The following DNMT3A variants were observed in gnomAD, a reference collection of about 807,000 sequenced individuals.
DNMT3A encodes DNA methyltransferase 3 alpha, also known as DNA (cytosine-5)-methyltransferase 3A.
DNMT3A carries 267 observed loss-of-function variants against 117.6 expected under a neutral mutation model. The ratio of observed to expected loss-of-function variants is 2.27; its 90% confidence interval spans 2.05 to 2.51. The LOEUF is 2.51. Ranked by LOEUF, DNMT3A falls within the 30% of genes most tolerant of loss-of-function variation. DNMT3A has a pLI of 0.00. For synonymous variants in DNMT3A, 432 were observed against 474.8 expected (o/e 0.91, Z 1.17); for missense variants, 1,029 against 1,260.2 (o/e 0.82, Z 2.78).
In DNMT3A at chr2:25,234,558, C is replaced by T; in HGVS notation, c.2598-138G>A. On this transcript the variant is annotated intron_variant, in intron 22 of 22. Transcript: ENST00000321117. This position sits in a 1 kb window ranked among gnomAD's most constrained non-coding sequence, Gnocchi z 4.5. ...GGACAGGGGCACTCACACCCACCAA[C>T]TCCTCTGACGCCTGCTTAGTTCTGC... The T allele has an allele frequency of 2.1e-6, 2 of 966,512 alleles. No homozygotes were observed. The highest frequency in any genetic ancestry group is 1.5e-6 in the Non-Finnish European group (1 of 673,958). The allele number at this position is 966,512 out of a possible 1,614,324, so 59.9% of individuals were successfully genotyped here.
In DNMT3A at chr2:25,252,205, G is replaced by A; in HGVS notation, c.640-3953C>T. The A allele has an allele frequency of 6.4e-7, 1 of 1,564,346 alleles. No homozygotes were observed. The highest frequency in any genetic ancestry group is 1.9e-5 in the Admixed American group (1 of 53,756). On this transcript the variant is annotated intron_variant, in intron 6 of 22. Transcript: ENST00000321117. The surrounding 1 kb of genome is among the most constrained non-coding windows in gnomAD (Gnocchi z 5.5). Reference sequence around the variant, plus strand: ...GTCCAGGAACCTACCCATAAGGCCAGGTGCAGCCCCTCTGCAGTCGCGCTC... The same window carrying A: ...GTCCAGGAACCTACCCATAAGGCCAAGTGCAGCCCCTCTGCAGTCGCGCTC...
At position 25,247,362 on chromosome 2, in the gene DNMT3A, C is replaced by T; in HGVS notation, c.1015-204G>A. 1 of 799,144 alleles carries T rather than the reference C, an allele frequency of 1.3e-6. No individual in the cohort carries two copies. Among genetic ancestry groups the T allele is most frequent in the Non-Finnish European group, 2.0e-6 (1 of 512,514 alleles). The allele number at this position is 799,144 out of a possible 1,614,324, so 49.5% of individuals were successfully genotyped here. On this transcript the variant is annotated intron_variant, in intron 8 of 22. Coordinates refer to ENST00000321117, the MANE Select transcript of DNMT3A (RefSeq NM_022552.5). The surrounding 1 kb of genome is among the most constrained non-coding windows in gnomAD (Gnocchi z 5.6). ...ACCTGAGTGCAGGTGGAAAGGAATT[C>T]TAGTGAATAGGTTCCTGGAAGGCTA...
intron 3 of DNMT3A, among the ~76,000 whole-genome samples, chr2:25,292,761 A>C (rs565352416): frequency 6.6e-6 from 1 of 152,186 alleles, no homozygotes; most frequent in African/African-American, 2.4e-5. Flanking sequence ...TTCTTGAGGT[A>C]GGAGAACCAA....
At position 25,282,337 on chromosome 2, in the gene DNMT3A, C is replaced by A; in HGVS notation, c.448+104G>T. The stretch of plus-strand genomic sequence containing the variant: ...GCCTTGGCAAGCAGACCTTTAGCCA[C>A]GACCCAGACCATCCTTCCTGGGACC... On this transcript the variant is annotated intron_variant, in intron 4 of 22. Transcript: ENST00000321117. This position sits in a 1 kb window ranked among gnomAD's most constrained non-coding sequence, Gnocchi z 5.2. 6.6e-7 allele frequency: 1 copy of A among 1,516,860 alleles called. No homozygotes were observed. Among genetic ancestry groups the A allele is most frequent in the Non-Finnish European group, 8.9e-7 (1 of 1,126,076 alleles). The allele number at this position is 1,516,860 out of a possible 1,614,324, so 94.0% of individuals were successfully genotyped here.
Position 25,246,206 on chromosome 2 carries a change from T to C in DNMT3A, c.1383A>G (p.Thr461=), listed in dbSNP as rs1354966961. The part of the protein sequence containing the change: ...PPPAKKPRKS[T]AEKPKVKEII... Reference sequence around the variant, plus strand: ...TCTCCTTGACCTTGGGCTTCTCCGCTGTGCTCTTCCGGGGCTTTTTGGCTG... The same window carrying C: ...TCTCCTTGACCTTGGGCTTCTCCGCCGTGCTCTTCCGGGGCTTTTTGGCTG... The change falls in exon 11 of 23, where the codon ACA becomes ACG. Residue 461 remains threonine, a synonymous_variant. Transcript: ENST00000321117. The C allele has an allele frequency of 2.5e-6, 4 of 1,614,178 alleles. No homozygotes were observed. The highest frequency in any genetic ancestry group is 3.4e-6 in the Non-Finnish European group (4 of 1,179,996).
At position 25,233,746 on chromosome 2, in the gene DNMT3A, CA is replaced by C. The variant is rs1174392816; in HGVS notation, c.*532del. The C allele has an allele frequency of 6.3e-4, 20 of 31,810 alleles. No individual in the cohort carries two copies. Among genetic ancestry groups the C allele is most frequent in the East Asian group, 1.2e-3 (5 of 4,340 alleles). The allele number at this position is 31,810 out of a possible 1,614,324, so 2.0% of individuals were successfully genotyped here. A position where few individuals can be genotyped will look rare whatever the true frequency, so the allele number is the denominator to read the frequency against. ...TCCTATCTGATCAGGCTAGAGACAACAAAAAAAAGATATATAGTAAAAAAAA... is the reference window on the plus strand; with the variant it reads ...TCCTATCTGATCAGGCTAGAGACAACAAAAAAAGATATATAGTAAAAAAAA... On this transcript the variant is annotated 3_prime_UTR_variant, in exon 23 of 23. Coordinates refer to ENST00000321117, the MANE Select transcript of DNMT3A (RefSeq NM_022552.5).
In DNMT3A at chr2:25,305,004, A is replaced by T. The variant is rs1319711405; in HGVS notation, c.73-4761T>A. On this transcript the variant is annotated intron_variant, in intron 2 of 22. Transcript: ENST00000321117. This position sits in a 1 kb window ranked among gnomAD's most constrained non-coding sequence, Gnocchi z 4.1. ...TCCTTGAGGGAAGTGTGGGTGTCTG[A>T]TTCATGCTGGCATCCAGAATGCCTA... 6.6e-6 allele frequency among the ~76,000 whole-genome samples: 1 copy of T among 152,200 alleles called. No homozygotes were observed. The highest frequency in any genetic ancestry group is 2.4e-5 in the African/African-American group (1 of 41,450).
rs1478435270 is a variant in DNMT3A at position 25,232,689 on chromosome 2, A to G, written c.*1590T>C. 6.0e-6 allele frequency: 1 copy of G among 165,522 alleles called. No individual in the cohort carries two copies. The highest frequency in any genetic ancestry group is 1.3e-5 in the Non-Finnish European group (1 of 75,626). The allele number at this position is 165,522 out of a possible 1,614,324, so 10.3% of individuals were successfully genotyped here. A position where few individuals can be genotyped will look rare whatever the true frequency, so the allele number is the denominator to read the frequency against. ...GAGCCAGGGCACCAGAGCCACCGCT[A>G]ACTCAGAAGCACCCTGCTCCCGCAC... On this transcript the variant is annotated 3_prime_UTR_variant, in exon 23 of 23. Transcript: ENST00000321117. This position sits in a 1 kb window ranked among gnomAD's most constrained non-coding sequence, Gnocchi z 4.1.
At chr2:25,270,879 C>A (rs908465705) in intron 6 of DNMT3A, among the ~76,000 whole-genome samples, 2 of 152,170 alleles carry the variant, frequency 1.3e-5, no homozygotes, top group African/African-American at 2.4e-5. Flanking sequence ...AAAAAATTAG[C>A]CGGGTGTGGT....
chr2:25,309,820 G>A (rs977762662), intron 2 of DNMT3A, among the ~76,000 whole-genome samples: 9 of 152,146 alleles, frequency 5.9e-5, no homozygotes, highest in African/African-American at 1.2e-4. Context: ...TTGAGAGGCC[G>A]AGGCGGGTGG....
chr2:25,288,637 AC>A (rs2032507899), intron 3 of DNMT3A, among the ~76,000 whole-genome samples: 1 of 152,058 alleles, frequency 6.6e-6, no homozygotes, highest in African/African-American at 2.4e-5. Flanking sequence ...ACTTCTAAAA[AC>A]CTGGGGTAAA....
intron 4 of DNMT3A, 132 bp from the exon 5 acceptor site, chr2:25,275,675 G>T: frequency 3.1e-6 from 3 of 969,764 alleles, no homozygotes; most frequent in Non-Finnish European, 3.0e-6. Flanking sequence ...AGCTGTTCAT[G>T]TGTTAAATAT....
chr2:25,275,529 CCTT>C lies in DNMT3A; in HGVS notation c.460_462del (p.Lys154del), dbSNP rs781296384. On this transcript the variant is annotated inframe_deletion, in exon 5 of 23. Coordinates refer to ENST00000321117, the MANE Select transcript of DNMT3A (RefSeq NM_022552.5). ...ATTTTCATGGATTCGATGTTGGTCT[CCTT>C]CTGTTCTTTGCCTGTGGAGAGGGAA... 2.5e-6 allele frequency: 4 copies of C among 1,584,100 alleles called. No individual in the cohort carries two copies. The highest frequency in any genetic ancestry group is 2.3e-5 in the South Asian group (2 of 86,216).
intron 12 of DNMT3A, 53 bp from the exon 13 acceptor site, chr2:25,245,385 C>T (rs1454491941): frequency 1.3e-6 from 2 of 1,543,312 alleles, no homozygotes; most frequent in African/African-American, 1.4e-5. Flanking sequence ...GCCTCTCCCT[C>T]CCCGGGCCGG....
rs2033793419 is a variant in DNMT3A, at chr2:25,306,564, T to C, written c.73-6321A>G. Among the ~76,000 whole-genome samples, 1 of 152,138 alleles carries C rather than the reference T, an allele frequency of 6.6e-6. No individual in the cohort carries two copies. Among genetic ancestry groups the C allele is most frequent in the African/African-American group, 2.4e-5 (1 of 41,440 alleles). On this transcript the variant is annotated intron_variant, in intron 2 of 22. Transcript: ENST00000321117. The surrounding 1 kb of genome is among the most constrained non-coding windows in gnomAD (Gnocchi z 4.1). ...AGAAATGCTAAATAGCTGACAACGG[T>C]GGTGCCCATCTGGTTCCCAGGCCCT... is the stretch of plus-strand genomic sequence containing the variant.
At chr2:25,316,454 G>A (rs548864377) in intron 1 of DNMT3A, among the ~76,000 whole-genome samples, 1 of 152,326 alleles carries the variant, frequency 6.6e-6, no homozygotes, top group South Asian at 2.1e-4. Flanking sequence ...GTTGCTCAAT[G>A]GACCAGCCCT....
chr2:25,333,454 G>A (rs1031547747), intron 1 of DNMT3A, among the ~76,000 whole-genome samples: 1 of 151,908 alleles, frequency 6.6e-6, no homozygotes, highest in Non-Finnish European at 1.5e-5. Context: ...CTCAGCCTCC[G>A]GAGTAGCTGG....
intron 1 of DNMT3A, among the ~76,000 whole-genome samples, chr2:25,320,440 A>G (rs1486126444): frequency 6.6e-6 from 1 of 152,234 alleles, no homozygotes; most frequent in African/African-American, 2.4e-5. Flanking sequence ...ATCATTACAC[A>G]ATGTATGCAT....
chr2:25,334,692 T>C (rs1400295819), intron 1 of DNMT3A, among the ~76,000 whole-genome samples: 1 of 152,240 alleles, frequency 6.6e-6, no homozygotes, highest in Non-Finnish European at 1.5e-5. Flanking sequence ...AGCGGCCTAT[T>C]TTCTGCTCTC....
Sources: gnomAD v4.1 joint callset for allele counts (sites outside exome capture counted in the v4.1 genomes callset) on GRCh38, gnomAD v4.1.1 for gene constraint, Gnocchi (gnomAD v3.1) non-coding constraint, MANE v1.5 for transcripts, NCBI Gene and HGNC (gene_info 2026-07-23, HGNC 2026-07-21) for gene names.